Variants in SERAC1 observed in about 807,000 individuals in gnomAD.
The protein encoded by SERAC1 is protein SERAC1.
Under a neutral mutation model 85.7 loss-of-function variants are expected in SERAC1, and 36 were observed. That is an observed-to-expected ratio of 0.42 (90% CI 0.32 to 0.55). SERAC1 has a LOEUF of 0.55. SERAC1 is among the 20% of genes least tolerant of loss of function. The probability of loss-of-function intolerance (pLI) is 0.11; values close to 1 mark genes in which losing one functional copy is unlikely to be tolerated. For missense variants in SERAC1, 629 were observed against 796.2 expected, an observed-to-expected ratio of 0.79 and a Z score of 2.53; for synonymous variants, 242 against 265.3, an observed-to-expected ratio of 0.91 and a Z score of 0.85.
intron 7 of SERAC1, among the ~76,000 whole-genome samples, chr6:158,143,788 C>A (rs1033811319): frequency 2.6e-5 from 4 of 152,226 alleles, no homozygotes; most frequent in African/African-American, 7.2e-5. Flanking sequence ...TGCTTTAAAT[C>A]TATGGCAGTG....
In SERAC1 at chr6:158,130,496, A is replaced by C. The variant is rs118093738; in HGVS notation, c.739-10T>G. On this transcript the variant is annotated splice_polypyrimidine_tract_variant and intron_variant, in intron 8 of 16. Coordinates refer to ENST00000647468, the MANE Select transcript of SERAC1 (RefSeq NM_032861.4). The stretch of plus-strand genomic sequence containing the variant: ...AACACCATAAACCACCCTGAAATTA[A>C]AATAATTAAAATTTTTACTGAAAAA... 5.6e-3 allele frequency: 8,380 copies of C among 1,494,984 alleles called. 515 individuals carry two copies. In the East Asian group the frequency reaches 0.14, roughly 26 times the overall value. 92.6% of individuals were successfully genotyped at this position (1,494,984 alleles called of 1,614,324 possible).
intron 10 of SERAC1, among the ~76,000 whole-genome samples, chr6:158,124,790 TACACA>T (rs1784503424): frequency 3.9e-5 from 2 of 51,244 alleles, no homozygotes; most frequent in African/African-American, 8.2e-5. Flanking sequence ...CACACACACA[TACACA>T]CTCAACAAAG....
At chr6:158,128,551 C>T (rs1162367158) in intron 9 of SERAC1, among the ~76,000 whole-genome samples, 1 of 152,208 alleles carries the variant, frequency 6.6e-6, no homozygotes, top group Non-Finnish European at 1.5e-5. Context: ...TGTAACCTGA[C>T]AATGTCATTA....
chr6:158,144,344 A>T lies in SERAC1; in HGVS notation c.564T>A (p.Asp188Glu). Residue 188 changes from aspartate (D) to glutamate (E), a missense_variant, in exon 7 of 17, where the codon GAT (aspartate) becomes GAA (glutamate). Physicochemically the swap from Asp to Glu is conservative, Grantham distance 45. Coordinates refer to ENST00000647468, the MANE Select transcript of SERAC1 (RefSeq NM_032861.4). ...LIGLARSEES[D>E]LRFFLLPPPL... ...GAGGTGGTAGGAGAAAAAAGCGAAGATCACTCTCTTCGCTTCGTGCCAAAC... is the reference window on the plus strand; with the variant it reads ...GAGGTGGTAGGAGAAAAAAGCGAAGTTCACTCTCTTCGCTTCGTGCCAAAC... The T allele has an allele frequency of 6.2e-7, 1 of 1,613,556 alleles. No individual in the cohort carries two copies. The highest frequency in any genetic ancestry group is 8.5e-7 in the Non-Finnish European group (1 of 1,179,566).
Position 158,113,467 on chromosome 6 carries a change from C to T in SERAC1, c.1810G>A (p.Val604Ile). The change falls in exon 16 of 17, where the codon GTA (valine) becomes ATA (isoleucine). Residue 604 changes from valine to isoleucine, a missense_variant. By Grantham distance (29) the Val-to-Ile change is conservative. Coordinates refer to ENST00000647468, the MANE Select transcript of SERAC1 (RefSeq NM_032861.4). ...TGAATACCTGCTGATTCCACAGGTA[C>T]CACATGGAGCTTAATCATGCTGCCA... ...YIGSMIKLHVVPVESADLGIG... is the reference protein window; with the variant it reads ...YIGSMIKLHVIPVESADLGIG... 1 of 1,613,568 alleles carries T rather than the reference C, an allele frequency of 6.2e-7. No individual in the cohort carries two copies.
At chr6:158,165,345 C>A (rs770630155) in intron 1 of SERAC1, among the ~76,000 whole-genome samples, 3 of 152,022 alleles carry the variant, frequency 2.0e-5, no homozygotes, top group Admixed American at 6.6e-5. Context: ...TTAGTACAGA[C>A]GGGGTTTCAC....
chr6:158,167,510 C>G (rs1314070997), intron 1 of SERAC1, among the ~76,000 whole-genome samples: 2 of 144,948 alleles, frequency 1.4e-5, no homozygotes, highest in Admixed American at 7.0e-5. Context: ...TGCACTCCAG[C>G]CTGGCAGACA....
intron 3 of SERAC1, among the ~76,000 whole-genome samples, chr6:158,151,890 G>A (rs1785213646): frequency 6.6e-6 from 1 of 151,562 alleles, no homozygotes; most frequent in African/African-American, 2.4e-5. Flanking sequence ...AAAAAATACA[G>A]TAAGCTGAGG....
chr6:158,161,836 C>A (rs1785495094), intron 1 of SERAC1: 1 of 152,186 alleles, frequency 6.6e-6, no homozygotes, highest in Admixed American at 6.6e-5. Flanking sequence ...TCCTCAGAGC[C>A]AGGTACTAGG....
chr6:158,110,646 A>G lies in SERAC1; in HGVS notation c.*720T>C, dbSNP rs1455734480. ...TCATATAATGGCTTAGAATAGTTTTACTTCATACTGTGATCAATAATGGAT... is the reference window on the plus strand; with the variant it reads ...TCATATAATGGCTTAGAATAGTTTTGCTTCATACTGTGATCAATAATGGAT... On this transcript the variant is annotated 3_prime_UTR_variant, in exon 17 of 17. Transcript: ENST00000647468. 1.3e-5 allele frequency: 2 copies of G among 152,228 alleles called. No homozygotes were observed. The highest frequency in any genetic ancestry group is 2.9e-5 in the Non-Finnish European group (2 of 68,040). 9.4% of individuals were successfully genotyped at this position (152,228 alleles called of 1,614,324 possible). A position where few individuals can be genotyped will look rare whatever the true frequency, so the allele number is the denominator to read the frequency against.
intron 3 of SERAC1, among the ~76,000 whole-genome samples, chr6:158,154,892 G>A (rs1160443462): frequency 6.6e-6 from 1 of 151,238 alleles, no homozygotes; most frequent in South Asian, 2.1e-4. Flanking sequence ...CGATTTAAGC[G>A]TGCCGGAGCT....
In SERAC1 at chr6:158,158,334, A is replaced by G; in HGVS notation, c.30T>C (p.Cys10=). The stretch of plus-strand genomic sequence containing the variant: ...AAGTAGAGGTTCCTATTCTTCTGCA[A>G]CAGATGACGCAATAAGCAGCCAGGG... MSLAAYCVI[C]CRRIGTSTSP... is the part of the protein sequence containing the mutation. Residue 10 remains cysteine, a synonymous_variant, in exon 2 of 17, where the codon TGT becomes TGC. Coordinates refer to ENST00000647468, the MANE Select transcript of SERAC1 (RefSeq NM_032861.4). 1 of 1,613,900 alleles carries G rather than the reference A, an allele frequency of 6.2e-7. No individual in the cohort carries two copies. Among genetic ancestry groups the G allele is most frequent in the East Asian group, 2.2e-5 (1 of 44,866 alleles).
chr6:158,114,591 G>T, intron 15 of SERAC1, 198 bp downstream of exon 15: 1 of 1,254,616 alleles, frequency 8.0e-7, no homozygotes, highest in Non-Finnish European at 1.0e-6. Context: ...CAATGCTTGA[G>T]TAAATAATGG....
intron 10 of SERAC1, among the ~76,000 whole-genome samples, chr6:158,124,564 G>A (rs1312945581): frequency 6.6e-6 from 1 of 152,112 alleles, no homozygotes; most frequent in Non-Finnish European, 1.5e-5. Context: ...GTTCAGTGGA[G>A]CTCAAGCAGG....
chr6:158,141,229 G>T (rs1336898824), intron 8 of SERAC1, among the ~76,000 whole-genome samples: 1 of 152,218 alleles, frequency 6.6e-6, no homozygotes, highest in Non-Finnish European at 1.5e-5. Context: ...CATACGAAAT[G>T]TCCAGAACAG....
intron 1 of SERAC1, 158 bp from the exon 2 acceptor site, chr6:158,158,522 ATT>A: frequency 1.9e-6 from 1 of 527,348 alleles, no homozygotes; most frequent in Non-Finnish European, 3.3e-6. Flanking sequence ...AAAATTCTCC[ATT>A]AAAAACTTAA....
chr6:158,117,403 T>C lies in SERAC1; in HGVS notation c.1403+324A>G. ...TTGCTTCCTTTAGCCAGTATGATTG[T>C]GGACACAAGAACAAAAAAACATCAC... On this transcript the variant is annotated intron_variant, in intron 13 of 16. Transcript: ENST00000647468. The surrounding 1 kb of genome is among the most constrained non-coding windows in gnomAD (Gnocchi z 4.3). The C allele has an allele frequency of 1.0e-6, 1 of 975,634 alleles. No homozygotes were observed. Among genetic ancestry groups the C allele is most frequent in the Non-Finnish European group, 1.5e-6 (1 of 668,378 alleles). The allele number at this position is 975,634 out of a possible 1,614,324, so 60.4% of individuals were successfully genotyped here.
At chr6:158,130,577 G>T (rs1449599695) in intron 8 of SERAC1, 91 bp from the exon 9 acceptor site, 6 of 749,098 alleles carry the variant, frequency 8.0e-6, no homozygotes, top group Admixed American at 3.3e-5. Flanking sequence ...CTAATAGATG[G>T]TGTTAGAAAA....
intron 8 of SERAC1, among the ~76,000 whole-genome samples, chr6:158,131,231 TCATAAA>T (rs1784664722): frequency 6.7e-6 from 1 of 149,862 alleles, no homozygotes; most frequent in African/African-American, 2.4e-5. Flanking sequence ...ACAAGCACAG[TCATAAA>T]CATAAAGTTG....
Sources: allele counts gnomAD v4.1 joint callset (sites outside exome capture counted in the v4.1 genomes callset), GRCh38; gene constraint gnomAD v4.1.1; non-coding constraint Gnocchi (gnomAD v3.1); transcripts MANE v1.5; gene names NCBI Gene and HGNC (gene_info 2026-07-23, HGNC 2026-07-21).